Variants in CEP162 observed in about 807,000 individuals in gnomAD.
The protein encoded by CEP162 is centrosomal protein of 162 kDa.
CEP162 carries 141 observed loss-of-function variants against 169.2 expected under a neutral mutation model. The observed-to-expected ratio is 0.83, with a 90% CI of 0.73 to 0.96. The LOEUF (loss-of-function observed/expected upper bound fraction) is 0.96, where lower values mean the gene tolerates loss of function less well. CEP162 is among the 40% of genes least tolerant of loss of function. The pLI, the probability that CEP162 is intolerant of heterozygous loss-of-function variation, is 0.00. For missense variants in CEP162, 1,600 were observed against 1,587.2 expected (o/e 1.01, Z -0.14); for synonymous variants, 540 against 526.4 (o/e 1.03, Z -0.35).
intron 6 of CEP162, among the ~76,000 whole-genome samples, chr6:84,208,929 C>G (rs1264725562): frequency 6.6e-6 from 1 of 152,120 alleles, no homozygotes; most frequent in Non-Finnish European, 1.5e-5. Flanking sequence ...TTAAGTGACC[C>G]TCGAGATTAG....
intron 25 of CEP162, among the ~76,000 whole-genome samples, chr6:84,132,504 T>C (rs573968940): frequency 2.1e-4 from 32 of 152,354 alleles, no homozygotes; most frequent in African/African-American, 7.5e-4. Context: ...TTTGGTCTTT[T>C]CACATAGTCC....
chr6:84,132,108 T>C (rs922062233), intron 25 of CEP162, among the ~76,000 whole-genome samples: 3 of 152,202 alleles, frequency 2.0e-5, no homozygotes, highest in Non-Finnish European at 4.4e-5. Flanking sequence ...CGAAGCTTAG[T>C]TTGGCTGGAT....
chr6:84,193,946 A>C (rs17186572), intron 10 of CEP162, among the ~76,000 whole-genome samples: 5,758 of 152,310 alleles, frequency 0.038, 165 homozygotes, highest in Admixed American at 0.091. Context: ...CTAAGTACAT[A>C]TTTGGTTGAT....
At chr6:84,168,730 C>T (rs971671960) in intron 18 of CEP162, among the ~76,000 whole-genome samples, 14 of 152,118 alleles carry the variant, frequency 9.2e-5, no homozygotes, top group Middle Eastern at 6.8e-3. Flanking sequence ...TTCCCAAACT[C>T]CTTCTATTGA....
intron 21 of CEP162, among the ~76,000 whole-genome samples, chr6:84,160,527 T>C (rs1467830403): frequency 6.6e-6 from 1 of 152,260 alleles, no homozygotes; most frequent in East Asian, 1.9e-4. Context: ...TATCCAGAGT[T>C]CCAAAATTCT....
rs1397176537 is a variant in CEP162 at position 84,175,341 on chromosome 6, A to G, written c.1670T>C (p.Leu557Ser). The change falls in exon 14 of 27, where the codon TTA becomes TCA. Residue 557 changes from leucine to serine, a missense_variant. Coordinates refer to ENST00000403245, the MANE Select transcript of CEP162 (RefSeq NM_014895.4). Reference protein sequence around the residue: ...TSNQPRKKEILSGTKLIKPAA... With the variant: ...TSNQPRKKEISSGTKLIKPAA... ...AGGCTTGATGAGTTTTGTTCCAGAT[A>G]AGATTTCTAAATATTATAAACAATG... 9.1e-6 allele frequency: 14 copies of G among 1,539,002 alleles called. No homozygotes were observed. The highest frequency in any genetic ancestry group is 1.2e-5 in the Non-Finnish European group (14 of 1,140,612).
intron 21 of CEP162, among the ~76,000 whole-genome samples, chr6:84,156,262 TA>T (rs952209593): frequency 1.3e-5 from 2 of 152,018 alleles, no homozygotes; most frequent in African/African-American, 4.8e-5. Flanking sequence ...CCTGAAACTA[TA>T]AAAATCCTAG....
At position 84,124,520 on chromosome 6, in the gene CEP162, A is replaced by T. The variant is rs1316414197; in HGVS notation, c.*550T>A. On this transcript the variant is annotated 3_prime_UTR_variant, in exon 27 of 27. Coordinates refer to ENST00000403245, the MANE Select transcript of CEP162 (RefSeq NM_014895.4). ...TATTCTCACTTAAAAGTAGGAGCTA[A>T]ACAATGGGTACACAGAGACATAAAG... The T allele has an allele frequency of 6.5e-6, 1 of 153,636 alleles. No individual in the cohort carries two copies. Among genetic ancestry groups the T allele is most frequent in the African/African-American group, 2.4e-5 (1 of 41,474 alleles). 9.5% of individuals were successfully genotyped at this position (153,636 alleles called of 1,614,324 possible).
intron 3 of CEP162, 39 bp downstream of exon 3, chr6:84,221,018 T>TCAAGG: frequency 1.9e-6 from 2 of 1,070,546 alleles, no homozygotes; most frequent in Non-Finnish European, 2.9e-6. Flanking sequence ...TGACCCCTTG[T>TCAAGG]GGTCAAATAA....
At chr6:84,204,899 C>A (rs1347629385) in intron 6 of CEP162, among the ~76,000 whole-genome samples, 1 of 152,122 alleles carries the variant, frequency 6.6e-6, no homozygotes, top group Non-Finnish European at 1.5e-5. Flanking sequence ...GATATCACCA[C>A]CGATCCCACA....
chr6:84,209,826 A>AG lies in CEP162; in HGVS notation c.571+3130dup, dbSNP rs201434044. Among the ~76,000 whole-genome samples, 438 of 152,338 alleles carry AG rather than the reference A, an allele frequency of 2.9e-3. 4 individuals carry two copies. Among genetic ancestry groups the AG allele is most frequent in the African/African-American group, 0.01 (420 of 41,576 alleles). ...ACTAAGCAGCCTACAGGCAAATACT[A>AG]GCATCCAGTACATGAATGACTGACT... On this transcript the variant is annotated intron_variant, in intron 6 of 26. Transcript: ENST00000403245.
At position 84,169,414 on chromosome 6, in the gene CEP162, G is replaced by T; in HGVS notation, c.2299C>A (p.Arg767Ser). 6.4e-7 allele frequency: 1 copy of T among 1,571,058 alleles called. No homozygotes were observed. Among genetic ancestry groups the T allele is most frequent in the South Asian group, 1.2e-5 (1 of 83,352 alleles). ...TCTTCAACTACTTGAGACAGAAAAC[G>T]ACTTTTGTGCATCTGTTCTCTAATT... ...ASLKEQMHKS[R>S]FLSQVVEDSE... The change falls in exon 18 of 27, where the codon CGT (arginine) becomes AGT (serine). Residue 767 changes from arginine (R) to serine (S), a missense_variant. Coordinates refer to ENST00000403245, the MANE Select transcript of CEP162 (RefSeq NM_014895.4).
intron 11 of CEP162, 70 bp from the exon 12 acceptor site, chr6:84,186,693 G>C (rs1476803767): frequency 1.6e-6 from 2 of 1,261,478 alleles, no homozygotes; most frequent in African/African-American, 1.5e-5. Context: ...TAATAACCAC[G>C]TGTGTGTGTA....
At chr6:84,227,518 G>GA (rs1439980538) in intron 1 of CEP162, 62 bp downstream of exon 1, 1 of 152,228 alleles carries the variant, frequency 6.6e-6, no homozygotes, top group African/African-American at 2.4e-5. Flanking sequence ...GCTCGAGTAT[G>GA]AAGCACGGCC....
At chr6:84,219,046 TG>T in intron 3 of CEP162, 1 of 478,776 alleles carries the variant, frequency 2.1e-6, no homozygotes, top group Non-Finnish European at 3.3e-6. Flanking sequence ...CTATGGCAAC[TG>T]GGAAACAAGC....
At chr6:84,169,915 T>C (rs559938255) in intron 17 of CEP162, among the ~76,000 whole-genome samples, 1 of 152,328 alleles carries the variant, frequency 6.6e-6, no homozygotes, top group African/African-American at 2.4e-5. Context: ...AGTTTTGGAT[T>C]CCACATAAGA....
Position 84,153,286 on chromosome 6 carries a change from T to A in CEP162, c.2995-107A>T. 3 of 977,180 alleles carry A rather than the reference T, an allele frequency of 3.1e-6. No individual in the cohort carries two copies. The South Asian group carries it at 5.6e-5, about 18-fold the overall frequency. 60.5% of individuals were successfully genotyped at this position (977,180 alleles called of 1,614,324 possible). ...ACCTAATCCTTTATTCAGGTACTCA[T>A]TATACATTCTGATGTCTACAATTCT... On this transcript the variant is annotated intron_variant, in intron 22 of 26. Coordinates refer to ENST00000403245, the MANE Select transcript of CEP162 (RefSeq NM_014895.4).
At chr6:84,227,540 G>T (rs1018787365) in intron 1 of CEP162, 40 bp downstream of exon 1, 1 of 152,176 alleles carries the variant, frequency 6.6e-6, no homozygotes, top group Non-Finnish European at 1.5e-5. Flanking sequence ...CGACCAGGGC[G>T]ATTTGGGTGG....
At position 84,226,329 on chromosome 6, in the gene CEP162, A is replaced by G; in HGVS notation, c.57+8T>C. ...TTGACAATATAGCTTTTAAAAATAT[A>G]AACTTACCTCTTTCATAAACTGTTC... On this transcript the variant is annotated splice_region_variant and intron_variant, in intron 2 of 26. Coordinates refer to ENST00000403245, the MANE Select transcript of CEP162 (RefSeq NM_014895.4). 6.5e-7 allele frequency: 1 copy of G among 1,529,386 alleles called. No homozygotes were observed. The highest frequency in any genetic ancestry group is 8.9e-7 in the Non-Finnish European group (1 of 1,124,432). 94.7% of individuals were successfully genotyped at this position (1,529,386 alleles called of 1,614,324 possible).
Sources: allele counts gnomAD v4.1 joint callset (sites outside exome capture counted in the v4.1 genomes callset), GRCh38; gene constraint gnomAD v4.1.1; transcripts MANE v1.5; gene names NCBI Gene and HGNC (gene_info 2026-07-23, HGNC 2026-07-21).